Variants in FRS2 observed in about 807,000 individuals in gnomAD.
FRS2 encodes FGFR signalling adaptor.
Under a neutral mutation model 43.9 loss-of-function variants are expected in FRS2, and 8 were observed. The observed-to-expected ratio is 0.18, with a 90% confidence interval of 0.11 to 0.33. FRS2 has a LOEUF of 0.33. FRS2 is among the 10% of genes least tolerant of loss of function. The probability of loss-of-function intolerance (pLI) is 1.00; values close to 1 mark genes in which losing one functional copy is unlikely to be tolerated. For synonymous variants in FRS2, 219 were observed against 220.3 expected (o/e 0.99, Z 0.05); for missense variants, 534 against 627.6 (o/e 0.85, Z 1.59).
chr12:69,542,549 T>C (rs1593021514), intron 3 of FRS2, among the ~76,000 whole-genome samples: 1 of 152,354 alleles, frequency 6.6e-6, no homozygotes, highest in South Asian at 2.1e-4. Flanking sequence ...AATCAGGTTA[T>C]GTAAAGAAAG....
chr12:69,538,197 T>TTA (rs151295024), intron 3 of FRS2, among the ~76,000 whole-genome samples: 1,183 of 81,574 alleles, frequency 0.015, 39 homozygotes, highest in Middle Eastern at 0.029. Context: ...AAAACAAATT[T>TTA]TATATATATA....
At chr12:69,479,753 G>C (rs1871198283) in intron 1 of FRS2, among the ~76,000 whole-genome samples, 2 of 152,050 alleles carry the variant, frequency 1.3e-5, no homozygotes, top group Non-Finnish European at 2.9e-5. Context: ...TTGGTGATCT[G>C]CATTTTCATT....
intron 1 of FRS2, among the ~76,000 whole-genome samples, chr12:69,500,570 G>T (rs1873349593): frequency 6.6e-6 from 1 of 152,118 alleles, no homozygotes; most frequent in African/African-American, 2.4e-5. Flanking sequence ...ATTTCTTTTG[G>T]TTATGATTCT....
chr12:69,518,198 C>T (rs1875249060), intron 1 of FRS2, among the ~76,000 whole-genome samples: 1 of 152,202 alleles, frequency 6.6e-6, no homozygotes, highest in African/African-American at 2.4e-5. Flanking sequence ...ATGAATTCTA[C>T]TTCTCAATTT....
intron 2 of FRS2, 105 bp from the exon 3 acceptor site, chr12:69,531,909 A>G (rs1293475439): frequency 3.9e-5 from 6 of 152,646 alleles, no homozygotes; most frequent in Admixed American, 3.9e-4. Context: ...ATCAAATGTC[A>G]TAGCGTAATA....
At chr12:69,546,965 AGT>A (rs1878465197) in intron 3 of FRS2, among the ~76,000 whole-genome samples, 1 of 152,224 alleles carries the variant, frequency 6.6e-6, no homozygotes, top group Non-Finnish European at 1.5e-5. Flanking sequence ...AAGCAACCCA[AGT>A]GTTCATTGAC....
intron 4 of FRS2, among the ~76,000 whole-genome samples, chr12:69,566,563 C>T (rs751687596): frequency 5.9e-5 from 9 of 151,750 alleles, no homozygotes; most frequent in African/African-American, 9.7e-5. Context: ...GCCGAGATCA[C>T]GCCATAGCAC....
intron 3 of FRS2, among the ~76,000 whole-genome samples, chr12:69,546,551 C>T (rs904519298): frequency 6.6e-6 from 1 of 152,078 alleles, no homozygotes; most frequent in African/African-American, 2.4e-5. Flanking sequence ...TGACACCATG[C>T]CCGGCTAATT....
chr12:69,575,158 C>T lies in FRS2; in HGVS notation c.*203C>T. ...AACACTAATTTCATTATATACTACT[C>T]GTTGTACAGCAGCATTCCCGTTTTC... On this transcript the variant is annotated 3_prime_UTR_variant, in exon 9 of 9. Coordinates refer to ENST00000549921, the MANE Select transcript of FRS2 (RefSeq NM_001278356.2). The T allele has an allele frequency of 4.0e-6, 2 of 502,522 alleles. No individual in the cohort carries two copies. The highest frequency in any genetic ancestry group is 7.0e-6 in the Non-Finnish European group (2 of 285,956). The allele number at this position is 502,522 out of a possible 1,614,324, so 31.1% of individuals were successfully genotyped here.
At chr12:69,522,859 A>G (rs376293557) in intron 1 of FRS2, among the ~76,000 whole-genome samples, 1 of 152,322 alleles carries the variant, frequency 6.6e-6, no homozygotes, top group East Asian at 1.9e-4. Context: ...AAAAGTTATT[A>G]AGGAGAAGGT....
chr12:69,500,757 T>A (rs1162065927), intron 1 of FRS2, among the ~76,000 whole-genome samples: 3 of 152,178 alleles, frequency 2.0e-5, no homozygotes, highest in Non-Finnish European at 1.5e-5. Context: ...AATGTGATTA[T>A]ATATAATAGG....
At chr12:69,523,059 T>A (rs188307038) in intron 1 of FRS2, among the ~76,000 whole-genome samples, 452 of 152,304 alleles carry the variant, frequency 3.0e-3, no homozygotes, top group African/African-American at 0.01. Flanking sequence ...TATATTCTGT[T>A]TTGGGGTGGA....
intron 1 of FRS2, among the ~76,000 whole-genome samples, chr12:69,475,954 GGGTAATC>G (rs1228523902): frequency 6.6e-6 from 1 of 152,088 alleles, no homozygotes; most frequent in Non-Finnish European, 1.5e-5. Flanking sequence ...TAGTGGTGAT[GGGTAATC>G]GGTAGTTTTT....
In FRS2 at chr12:69,579,720, C is replaced by T. The variant is rs1187294197; in HGVS notation, c.*4765C>T. 6.6e-6 allele frequency: 1 copy of T among 152,186 alleles called. No homozygotes were observed. Among genetic ancestry groups the T allele is most frequent in the East Asian group, 1.9e-4 (1 of 5,202 alleles). The allele number at this position is 152,186 out of a possible 1,614,324, so 9.4% of individuals were successfully genotyped here. A position where few individuals can be genotyped will look rare whatever the true frequency, so the allele number is the denominator to read the frequency against. On this transcript the variant is annotated 3_prime_UTR_variant, in exon 9 of 9. Transcript: ENST00000549921. The stretch of plus-strand genomic sequence containing the variant: ...GTCTGATTGGAGTTCTTTTCATGCT[C>T]ACTTTCCCCTTATTGCTGAAAGTAG...
chr12:69,568,265 C>G (rs1024787195), intron 4 of FRS2, among the ~76,000 whole-genome samples: 4 of 152,182 alleles, frequency 2.6e-5, no homozygotes, highest in African/African-American at 9.7e-5. Context: ...TACCAATGCG[C>G]TATTCGAAAT....
intron 3 of FRS2, among the ~76,000 whole-genome samples, chr12:69,538,247 T>TAC (rs1224355638): frequency 8.1e-6 from 1 of 122,804 alleles, no homozygotes; most frequent in African/African-American, 3.3e-5. Flanking sequence ...TATATATATA[T>TAC]ACATATATAT....
intron 3 of FRS2, among the ~76,000 whole-genome samples, chr12:69,534,256 T>G (rs1412806561): frequency 6.6e-6 from 1 of 152,222 alleles, no homozygotes; most frequent in Non-Finnish European, 1.5e-5. Flanking sequence ...TGTTTTATAG[T>G]TTATAAAAGA....
chr12:69,493,935 C>T (rs1264878899), intron 1 of FRS2, among the ~76,000 whole-genome samples: 1 of 152,116 alleles, frequency 6.6e-6, no homozygotes, highest in Non-Finnish European at 1.5e-5. Flanking sequence ...AATATTCAAT[C>T]GTGGCCTCAG....
At position 69,502,402 on chromosome 12, in the gene FRS2, A is replaced by T. The variant is rs115575457; in HGVS notation, c.-260-28463A>T. Among the ~76,000 whole-genome samples the T allele has an allele frequency of 7.4e-3, 1,101 of 149,096 alleles. 13 individuals are homozygous for T. Among genetic ancestry groups the T allele is most frequent in the African/African-American group, 0.026 (1,037 of 40,590 alleles). On this transcript the variant is annotated intron_variant, in intron 1 of 8. Coordinates refer to ENST00000549921, the MANE Select transcript of FRS2 (RefSeq NM_001278356.2). Reference sequence around the variant, plus strand: ...TTTACTGTGATTTTTTTAATTTTTAATTTTTTTTTTATTATAGAGTTGGGG... The same window carrying T: ...TTTACTGTGATTTTTTTAATTTTTATTTTTTTTTTTATTATAGAGTTGGGG...
Sources: allele counts gnomAD v4.1 joint callset (sites outside exome capture counted in the v4.1 genomes callset), GRCh38; gene constraint gnomAD v4.1.1; transcripts MANE v1.5; gene names NCBI Gene and HGNC (gene_info 2026-07-23, HGNC 2026-07-21).